The following RBBP8 variants were observed in gnomAD, a reference collection of about 807,000 sequenced individuals.
The protein encoded by RBBP8 is DNA endonuclease RBBP8.
A neutral mutation model predicts 108.3 loss-of-function variants in RBBP8; 88 were observed. The ratio of observed to expected loss-of-function variants is 0.81; its 90% CI spans 0.68 to 0.97. The LOEUF is 0.97. Among genes scored for constraint, RBBP8 ranks in the 50% least tolerant of loss-of-function variants. The pLI, the probability that RBBP8 is intolerant of heterozygous loss-of-function variation, is 0.00. For synonymous variants in RBBP8, 332 were observed against 348.2 expected (o/e 0.95, Z 0.52); for missense variants, 1,023 against 1,049.0 (o/e 0.98, Z 0.34).
intron 14 of RBBP8, 106 bp downstream of exon 14, chr18:22,997,840 G>GT (rs1458869305): frequency 1.9e-5 from 15 of 793,558 alleles, no homozygotes; most frequent in South Asian, 1.8e-4. Context: ...CATAAAGCAG[G>GT]TTTTTTCCTG....
intron 9 of RBBP8, among the ~76,000 whole-genome samples, chr18:22,990,662 C>T (rs1206004102): frequency 1.3e-5 from 2 of 152,148 alleles, no homozygotes; most frequent in East Asian, 3.8e-4. Context: ...CAAAGAAAAC[C>T]TCATACCCAT....
rs561516318 is a variant in RBBP8 at position 22,933,414 on chromosome 18, T to G, written c.-249T>G. 6.5e-5 allele frequency: 10 copies of G among 153,898 alleles called. No individual in the cohort carries two copies. Among genetic ancestry groups the G allele is most frequent in the African/African-American group, 2.2e-4 (9 of 41,554 alleles). The allele number at this position is 153,898 out of a possible 1,614,324, so 9.5% of individuals were successfully genotyped here. A position where few individuals can be genotyped will look rare whatever the true frequency, so the allele number is the denominator to read the frequency against. ...GCCCCCGGCCTTAAAGCGCGGGCTG[T>G]CCGGAGGGGTCGGCTTTCCCACCGA... On this transcript the variant is annotated 5_prime_UTR_variant, in exon 1 of 19. Coordinates refer to ENST00000327155, the MANE Select transcript of RBBP8 (RefSeq NM_002894.3).
chr18:22,942,615 C>G (rs1292721497), intron 2 of RBBP8, among the ~76,000 whole-genome samples: 1 of 152,002 alleles, frequency 6.6e-6, no homozygotes, highest in Non-Finnish European at 1.5e-5. Context: ...GTGACAAATG[C>G]TGCTAGTATC....
intron 3 of RBBP8, among the ~76,000 whole-genome samples, chr18:22,947,004 A>T (rs922729928): frequency 5.9e-5 from 9 of 152,014 alleles, no homozygotes; most frequent in Non-Finnish European, 1.2e-4. Context: ...ATCAGATCTG[A>T]TTTTTTAAGT....
At chr18:22,918,191 G>A (rs1051134371) in intron 3 of RBBP8, among the ~76,000 whole-genome samples, 12 of 152,108 alleles carry the variant, frequency 7.9e-5, no homozygotes, top group African/African-American at 2.9e-4. Context: ...TCAATCATCT[G>A]TACTAATGGA....
At chr18:22,964,621 A>T (rs1913411255) in intron 4 of RBBP8, among the ~76,000 whole-genome samples, 1 of 150,384 alleles carries the variant, frequency 6.6e-6, no homozygotes, top group Non-Finnish European at 1.5e-5. Flanking sequence ...TAATATTTTT[A>T]ATTTTTAATT....
Position 22,979,221 on chromosome 18 carries a change from C to T in RBBP8, c.429-2997C>T, listed in dbSNP as rs191497143. ...CAGAGGTTGCAGTGCGCTGAGATCGCACCACTGCACTCCAGCCTGGGCAAC... is the reference window on the plus strand; with the variant it reads ...CAGAGGTTGCAGTGCGCTGAGATCGTACCACTGCACTCCAGCCTGGGCAAC... On this transcript the variant is annotated intron_variant, in intron 6 of 18. Coordinates refer to ENST00000327155, the MANE Select transcript of RBBP8 (RefSeq NM_002894.3). Among the ~76,000 whole-genome samples, 3 of 152,276 alleles carry T rather than the reference C, an allele frequency of 2.0e-5. No homozygotes were observed. In the East Asian group the frequency reaches 5.8e-4, roughly 29 times the overall value.
chr18:23,008,219 T>C lies in RBBP8; in HGVS notation c.2357+1787T>C, dbSNP rs145117462. ...TTGTTCTTAAAGCAAATTGAAGACA[T>C]AGTAATTCATTCAAAAAAAATTGTT... On this transcript the variant is annotated intron_variant, in intron 16 of 18. Coordinates refer to ENST00000327155, the MANE Select transcript of RBBP8 (RefSeq NM_002894.3). 8.5e-4 allele frequency among the ~76,000 whole-genome samples: 127 copies of C among 149,764 alleles called. No individual in the cohort carries two copies. In the Middle Eastern group the frequency reaches 0.017, roughly 20 times the overall value.
At chr18:22,926,509 G>A (rs1172905820) in intron 3 of RBBP8, among the ~76,000 whole-genome samples, 2 of 152,096 alleles carry the variant, frequency 1.3e-5, no homozygotes, top group South Asian at 2.1e-4. Flanking sequence ...ATTTAAACCT[G>A]GGCAACTATG....
chr18:22,984,131 C>G (rs1005552991), intron 7 of RBBP8, among the ~76,000 whole-genome samples: 1 of 151,978 alleles, frequency 6.6e-6, no homozygotes, highest in African/African-American at 2.4e-5. Context: ...ACTAATTAGT[C>G]CTGTTCTCTA....
intron 16 of RBBP8, among the ~76,000 whole-genome samples, chr18:23,012,207 C>CAAAAAAAAAAAAAAAAAAA (rs368600707): frequency 1.2e-5 from 1 of 81,144 alleles, no homozygotes; most frequent in Admixed American, 1.7e-4. Context: ...GATGCTGTCT[C>CAAAAAAAAAAAAAAAAAAA]CAAAAAAAAA....
At chr18:23,022,352 A>T in intron 18 of RBBP8, 82 bp downstream of exon 18, 1 of 1,375,494 alleles carries the variant, frequency 7.3e-7, no homozygotes, top group Non-Finnish European at 1.0e-6. Context: ...TATAATCCCA[A>T]CACTTTGAGA....
chr18:23,014,261 G>A (rs2046220407), intron 16 of RBBP8, among the ~76,000 whole-genome samples: 1 of 151,968 alleles, frequency 6.6e-6, no homozygotes, highest in Non-Finnish European at 1.5e-5. Context: ...GTATCGTTCT[G>A]CAGACTGGAT....
chr18:22,931,871 GAGAAT>G (rs1910049580), upstream of RBBP8, among the ~76,000 whole-genome samples: 1 of 152,140 alleles, frequency 6.6e-6, no homozygotes, highest in Non-Finnish European at 1.5e-5. Context: ...TATATATATG[GAGAAT>G]AGAAGTTCAA....
intron 8 of RBBP8, 140 bp from the exon 9 acceptor site, chr18:22,989,081 G>A: frequency 1.7e-6 from 1 of 596,760 alleles, no homozygotes; most frequent in South Asian, 1.9e-5. Flanking sequence ...TTTTTGCACA[G>A]AATTTTAAAA....
At chr18:22,946,285 AT>A (rs1404884575) in intron 2 of RBBP8, 158 bp from the exon 3 acceptor site, 4 of 835,174 alleles carry the variant, frequency 4.8e-6, no homozygotes, top group Middle Eastern at 2.3e-4. Flanking sequence ...CATTGCAGAT[AT>A]GCTTTTGTGA....
At position 22,946,116 on chromosome 18, in the gene RBBP8, T is replaced by C. The variant is rs537127804; in HGVS notation, c.110-328T>C. Reference sequence around the variant, plus strand: ...AAGATTTGTGCCTACATAAACACCATTGCTGTTAGCAAATACACAGGCTAT... The same window carrying C: ...AAGATTTGTGCCTACATAAACACCACTGCTGTTAGCAAATACACAGGCTAT... On this transcript the variant is annotated intron_variant, in intron 2 of 18. Coordinates refer to ENST00000327155, the MANE Select transcript of RBBP8 (RefSeq NM_002894.3). Among the ~76,000 whole-genome samples, 4 of 152,350 alleles carry C rather than the reference T, an allele frequency of 2.6e-5. No homozygotes were observed. In the East Asian group the frequency reaches 7.7e-4, roughly 29 times the overall value.
At chr18:23,003,855 G>A (rs980591176) in intron 15 of RBBP8, among the ~76,000 whole-genome samples, 26 of 151,920 alleles carry the variant, frequency 1.7e-4, no homozygotes, top group Non-Finnish European at 3.1e-4. Flanking sequence ...TCAGGAGATC[G>A]AGACCATCCT....
At chr18:22,988,402 C>T (rs1026840850) in intron 8 of RBBP8, among the ~76,000 whole-genome samples, 3 of 152,174 alleles carry the variant, frequency 2.0e-5, no homozygotes, top group Admixed American at 6.5e-5. Flanking sequence ...AGTCAAACCA[C>T]GCGTAGTTCC....
Sources: gnomAD v4.1 joint callset for allele counts (sites outside exome capture counted in the v4.1 genomes callset) on GRCh38, gnomAD v4.1.1 for gene constraint, MANE v1.5 for transcripts, NCBI Gene and HGNC (gene_info 2026-07-23, HGNC 2026-07-21) for gene names.